COL16A1: variants seen among roughly 807,000 people sequenced by gnomAD.
COL16A1 encodes collagen type XVI alpha 1 chain, also known as collagen alpha-1(XVI) chain.
A neutral mutation model predicts 266.3 loss-of-function variants in COL16A1; 189 were observed. The observed-to-expected ratio is 0.71, with a 90% CI of 0.63 to 0.80. COL16A1 has a LOEUF of 0.80. Among genes scored for constraint, COL16A1 ranks in the 30% least tolerant of loss-of-function variants. The probability of loss-of-function intolerance (pLI) is 0.00; values close to 1 mark genes in which losing one functional copy is unlikely to be tolerated. For missense variants in COL16A1, 1,928 were observed against 2,122.4 expected, an observed-to-expected ratio of 0.91 and a Z score of 1.80; for synonymous variants, 740 against 782.3, an observed-to-expected ratio of 0.95 and a Z score of 0.90.
chr1:31,700,432 C>G (rs984629911), intron 2 of COL16A1, among the ~76,000 whole-genome samples: 1 of 152,208 alleles, frequency 6.6e-6, no homozygotes, highest in Admixed American at 6.5e-5. Context: ...GCTAGGCCAG[C>G]AAGGGAGAGA....
At chr1:31,662,089 C>T (rs1235948769) in intron 58 of COL16A1, among the ~76,000 whole-genome samples, 1 of 152,178 alleles carries the variant, frequency 6.6e-6, no homozygotes, top group African/African-American at 2.4e-5. Flanking sequence ...CATGCCTTCA[C>T]CATCCTGCCT....
intron 42 of COL16A1, 199 bp downstream of exon 42, chr1:31,679,433 T>A: frequency 1.3e-6 from 2 of 1,582,204 alleles, no homozygotes; most frequent in Non-Finnish European, 1.7e-6. Context: ...CTTGAAACAG[T>A]GCTGGGAGTG....
rs1642392790 is a variant in COL16A1 at position 31,668,923 on chromosome 1, C to T, written c.3196-68G>A. On this transcript the variant is annotated intron_variant, in intron 49 of 70. Transcript: ENST00000373672. This position sits in a 1 kb window ranked among gnomAD's most constrained non-coding sequence, Gnocchi z 5.8. ...CCCACCCAGCCCCTGACTCCTTCCC[C>T]CTGCCCCACTGCCTTCTGTTCCCAC... The T allele has an allele frequency of 1.4e-6, 2 of 1,423,264 alleles. No individual in the cohort carries two copies. Among genetic ancestry groups the T allele is most frequent in the Admixed American group, 1.8e-5 (1 of 55,060 alleles). 88.2% of individuals were successfully genotyped at this position (1,423,264 alleles called of 1,614,324 possible). A position where few individuals can be genotyped will look rare whatever the true frequency, so the allele number is the denominator to read the frequency against.
chr1:31,697,176 C>T lies in COL16A1; in HGVS notation c.738+44G>A, dbSNP rs571189315. ...GCATCACCTTCCAGACCCTCATCTC[C>T]AGCACAGTGTGTCCCTGGGCAGCCC... On this transcript the variant is annotated intron_variant, in intron 7 of 70. Coordinates refer to ENST00000373672, the MANE Select transcript of COL16A1 (RefSeq NM_001856.4). This position sits in a 1 kb window ranked among gnomAD's most constrained non-coding sequence, Gnocchi z 4.2. 5.0e-6 allele frequency: 8 copies of T among 1,613,140 alleles called. No individual in the cohort carries two copies. The African/African-American group carries it at 5.3e-5, about 11-fold the overall frequency.
In COL16A1 at chr1:31,683,766, C is replaced by G. The variant is rs538838271; in HGVS notation, c.2338-18G>C. On this transcript the variant is annotated intron_variant, in intron 33 of 70. Coordinates refer to ENST00000373672, the MANE Select transcript of COL16A1 (RefSeq NM_001856.4). ...GGCTCTCCCTGAAGAGGCAGAAGGA[C>G]AGTCCCTGGCTCGAGGTTCCCCAGT... 8.7e-6 allele frequency: 14 copies of G among 1,613,956 alleles called. No homozygotes were observed. Among genetic ancestry groups the G allele is most frequent in the Non-Finnish European group, 1.2e-5 (14 of 1,180,000 alleles).
rs1009460693 is a variant in COL16A1 at position 31,662,524 on chromosome 1, CAT to C, written c.3627+61_3627+62del. On this transcript the variant is annotated intron_variant, in intron 57 of 70. Transcript: ENST00000373672. Reference sequence around the variant, plus strand: ...ACACACACACAGGTGCACACACACACATGCACCACACACATGCGCATGCATCG... The same window carrying C: ...ACACACACACAGGTGCACACACACACGCACCACACACATGCGCATGCATCG... 16 of 1,540,370 alleles carry C rather than the reference CAT, an allele frequency of 1.0e-5. No homozygotes were observed. The African/African-American group carries it at 2.1e-4, about 20-fold the overall frequency.
chr1:31,656,919 A>G lies in COL16A1; in HGVS notation c.4056+114T>C. The G allele has an allele frequency of 6.9e-7, 1 of 1,455,916 alleles. No homozygotes were observed. The highest frequency in any genetic ancestry group is 1.7e-5 in the Admixed American group (1 of 58,420). The allele number at this position is 1,455,916 out of a possible 1,614,324, so 90.2% of individuals were successfully genotyped here. A position where few individuals can be genotyped will look rare whatever the true frequency, so the allele number is the denominator to read the frequency against. The stretch of plus-strand genomic sequence containing the variant: ...CAGGACAACAGGGTTAACAATTTCC[A>G]GAGACAGCCCGTACATAGAAGGAAT... On this transcript the variant is annotated intron_variant, in intron 65 of 70. Transcript: ENST00000373672. The surrounding 1 kb of genome is among the most constrained non-coding windows in gnomAD (Gnocchi z 4.2).
intron 56 of COL16A1, 111 bp from the exon 57 acceptor site, chr1:31,662,769 A>G (rs1048691260): frequency 2.2e-5 from 25 of 1,146,708 alleles, no homozygotes; most frequent in African/African-American, 3.1e-5. Context: ...TGCTGGAAAC[A>G]GGACAGCTGG....
At chr1:31,701,776 A>G (rs527537811) in intron 2 of COL16A1, among the ~76,000 whole-genome samples, 1 of 152,266 alleles carries the variant, frequency 6.6e-6, no homozygotes, top group East Asian at 1.9e-4. Context: ...CACTGGTCCT[A>G]CCAGCAATGT....
rs779599290 is a variant in COL16A1, at chr1:31,672,402, A to C, written c.3105+14T>G. 1.2e-6 allele frequency: 2 copies of C among 1,613,934 alleles called. No homozygotes were observed. Among genetic ancestry groups the C allele is most frequent in the Non-Finnish European group, 1.7e-6 (2 of 1,179,924 alleles). ...CCAGCTCCCTTGAGGATGAATCCCC[A>C]TCCCTGGTCTTACCTCTTCTCCTCT... On this transcript the variant is annotated intron_variant, in intron 47 of 70. Coordinates refer to ENST00000373672, the MANE Select transcript of COL16A1 (RefSeq NM_001856.4).
chr1:31,680,086 A>G lies in COL16A1; in HGVS notation c.2626T>C (p.Cys876Arg), dbSNP rs760421379. ...AGGTCTCCTTGAGAGGGGCAGGAGC[A>G]CTCCCCTGGCTCACCCTGAAAATAC... ...PRGEKGEPGE[C>R]SCPSQGDLIF... Residue 876 changes from cysteine to arginine, a missense_variant, in exon 40 of 71, where the codon TGC becomes CGC. Coordinates refer to ENST00000373672, the MANE Select transcript of COL16A1 (RefSeq NM_001856.4). 1.2e-6 allele frequency: 2 copies of G among 1,613,426 alleles called. No homozygotes were observed. The highest frequency in any genetic ancestry group is 1.1e-5 in the South Asian group (1 of 90,980).
At chr1:31,682,134 T>C (rs538668906) in intron 37 of COL16A1, among the ~76,000 whole-genome samples, 50 of 152,330 alleles carry the variant, frequency 3.3e-4, no homozygotes, top group Admixed American at 7.2e-4. Flanking sequence ...AATTAGATTA[T>C]CTGGTAAAAT....
chr1:31,665,558 C>T, intron 55 of COL16A1, 25 bp downstream of exon 55: 2 of 1,614,182 alleles, frequency 1.2e-6, no homozygotes, highest in Non-Finnish European at 1.7e-6. Context: ...TCAGACAGAG[C>T]TGGCTTTGTG....
In COL16A1 at chr1:31,696,067, TC is replaced by T. The variant is rs750695079; in HGVS notation, c.918+20del. On this transcript the variant is annotated intron_variant, in intron 9 of 70. Transcript: ENST00000373672. Reference sequence around the variant, plus strand: ...GGCAGACTGAGGGCAGGTAGGCTCCTCCCCCCACCCCCACCTCTACCTTTGC... The same window carrying T: ...GGCAGACTGAGGGCAGGTAGGCTCCTCCCCCACCCCCACCTCTACCTTTGC... 3.2e-6 allele frequency: 5 copies of T among 1,543,120 alleles called. No individual in the cohort carries two copies. Among genetic ancestry groups the T allele is most frequent in the Non-Finnish European group, 4.5e-6 (5 of 1,116,728 alleles).
chr1:31,654,391 G>A (rs1342577941), intron 68 of COL16A1, among the ~76,000 whole-genome samples: 1 of 152,148 alleles, frequency 6.6e-6, no homozygotes, highest in African/African-American at 2.4e-5. Context: ...GACAGGGCCT[G>A]TGTTTTCCCC....
At chr1:31,679,919 C>T in intron 40 of COL16A1, 68 bp from the exon 41 acceptor site, 1 of 1,537,740 alleles carries the variant, frequency 6.5e-7, no homozygotes, top group Non-Finnish European at 8.8e-7. Flanking sequence ...AAGCGCGGGG[C>T]TGCGTGGGGA....
chr1:31,660,996 C>G, intron 61 of COL16A1, 70 bp downstream of exon 61: 2 of 1,469,968 alleles, frequency 1.4e-6, no homozygotes, highest in Non-Finnish European at 1.8e-6. Context: ...CAGGAAGAAG[C>G]GGCTGCATCC....
In COL16A1 at chr1:31,685,607, G is replaced by A. The variant is rs200277674; in HGVS notation, c.2016+32C>T. Reference sequence around the variant, plus strand: ...CTCCTTAGCCCCGCCTGCATCCCCCGTCCAGAGGCCCCTGCCTATATCCCA... The same window carrying A: ...CTCCTTAGCCCCGCCTGCATCCCCCATCCAGAGGCCCCTGCCTATATCCCA... On this transcript the variant is annotated intron_variant, in intron 29 of 70. Coordinates refer to ENST00000373672, the MANE Select transcript of COL16A1 (RefSeq NM_001856.4). This position sits in a 1 kb window ranked among gnomAD's most constrained non-coding sequence, Gnocchi z 4.0. The A allele has an allele frequency of 8.0e-5, 111 of 1,386,610 alleles. No homozygotes were observed. Among genetic ancestry groups the A allele is most frequent in the Middle Eastern group, 4.1e-4 (2 of 4,924 alleles). 85.9% of individuals were successfully genotyped at this position (1,386,610 alleles called of 1,614,324 possible). A position where few individuals can be genotyped will look rare whatever the true frequency, so the allele number is the denominator to read the frequency against.
chr1:31,689,203 C>A (rs1644140456), intron 23 of COL16A1, 118 bp from the exon 24 acceptor site: 1 of 1,516,112 alleles, frequency 6.6e-7, no homozygotes, highest in Admixed American at 2.0e-5. Context: ...ACCTAGGGGT[C>A]CCATGGGGTC....
Sources: allele counts gnomAD v4.1 joint callset (sites outside exome capture counted in the v4.1 genomes callset), GRCh38; gene constraint gnomAD v4.1.1; non-coding constraint Gnocchi (gnomAD v3.1); transcripts MANE v1.5; gene names NCBI Gene and HGNC (gene_info 2026-07-23, HGNC 2026-07-21).